IDH1: variants seen among roughly 807,000 people sequenced by gnomAD.
IDH1 encodes isocitrate dehydrogenase [NADP] cytoplasmic.
A neutral mutation model predicts 46.1 loss-of-function variants in IDH1; 33 were observed. The observed-to-expected ratio is 0.72, with a 90% CI of 0.54 to 0.96. IDH1 has a LOEUF of 0.96. Ranked by LOEUF, IDH1 falls within the 40% of genes least tolerant of loss-of-function variation. The probability of loss-of-function intolerance (pLI) is 0.00; values close to 1 mark genes in which losing one functional copy is unlikely to be tolerated. For synonymous variants in IDH1, 144 were observed against 172.8 expected, an observed-to-expected ratio of 0.83 and a Z score of 1.31; for missense variants, 421 against 515.7, an observed-to-expected ratio of 0.82 and a Z score of 1.78.
At chr2:208,237,762 T>TACAA (rs1687840127) in intron 9 of IDH1, among the ~76,000 whole-genome samples, 1 of 35,578 alleles carries the variant, frequency 2.8e-5, no homozygotes, top group East Asian at 6.5e-4. Flanking sequence ...CTACTAAAAA[T>TACAA]ACAAAAAAAA....
In IDH1 at chr2:208,253,342, G is replaced by C. The variant is rs75991859; in HGVS notation, c.-17+544C>G. ...ACCATCTTTTAACTAAAACAGTGAA[G>C]CTTTATTGTTACTACCATGTGGAAC... On this transcript the variant is annotated intron_variant, in intron 2 of 9. Coordinates refer to ENST00000345146, the MANE Select transcript of IDH1 (RefSeq NM_005896.4). Among the ~76,000 whole-genome samples, 1,177 of 152,290 alleles carry C rather than the reference G, an allele frequency of 7.7e-3. 6 individuals are homozygous for C. Among genetic ancestry groups the C allele is most frequent in the African/African-American group, 0.026 (1,086 of 41,552 alleles).
intron 2 of IDH1, among the ~76,000 whole-genome samples, chr2:208,252,449 C>T (rs780956793): frequency 3.9e-5 from 6 of 152,146 alleles, no homozygotes; most frequent in Admixed American, 2.6e-4. Context: ...CAATCTGATT[C>T]TCAGAAAGTG....
intron 7 of IDH1, chr2:208,240,436 T>C (rs952221335): frequency 6.4e-6 from 1 of 156,724 alleles, no homozygotes; most frequent in Admixed American, 6.2e-5. Context: ...CTTAGAATAG[T>C]ACTGGACACA....
intron 9 of IDH1, 150 bp from the exon 10 acceptor site, chr2:208,237,319 C>A: frequency 1.5e-6 from 1 of 667,878 alleles, no homozygotes; most frequent in Non-Finnish European, 2.7e-6. Flanking sequence ...AATCTATAGA[C>A]AATGACTATG....
intron 4 of IDH1, 94 bp downstream of exon 4, chr2:208,248,275 A>C: frequency 9.0e-7 from 1 of 1,111,034 alleles, no homozygotes. Context: ...GGGTGTAGAT[A>C]CCAAAAGATA....
Position 208,251,711 on chromosome 2 carries a change from A to T in IDH1, c.-16-144T>A, listed in dbSNP as rs113576528. 13 of 649,006 alleles carry T rather than the reference A, an allele frequency of 2.0e-5. 1 individual carries two copies. The African/African-American group carries it at 2.0e-4, about 10-fold the overall frequency. The allele number at this position is 649,006 out of a possible 1,614,324, so 40.2% of individuals were successfully genotyped here. On this transcript the variant is annotated intron_variant, in intron 2 of 9. Transcript: ENST00000345146. ...TCAATTTATGTGTAGTTGAATAAAA[A>T]GCTAGTAACAGCAATTCTATTTACC...
chr2:208,238,226 G>A (rs1687852899), intron 9 of IDH1, among the ~76,000 whole-genome samples: 1 of 151,916 alleles, frequency 6.6e-6, no homozygotes, highest in Non-Finnish European at 1.5e-5. Context: ...TAGTGGAGAT[G>A]GGGTTTCACT....
chr2:208,242,344 A>G (rs1687935490), intron 6 of IDH1, among the ~76,000 whole-genome samples, 199 bp from the exon 7 acceptor site: 1 of 152,206 alleles, frequency 6.6e-6, no homozygotes, highest in Non-Finnish European at 1.5e-5. Context: ...CAATTTGACT[A>G]TCTGTAGGAA....
rs10170549 is a variant in IDH1, at chr2:208,238,733, G to A, written c.1154+338C>T. Among the ~76,000 whole-genome samples the A allele has an allele frequency of 9.0e-3, 1,369 of 152,244 alleles. 25 individuals carry two copies. Among genetic ancestry groups the A allele is most frequent in the African/African-American group, 0.032 (1,320 of 41,532 alleles). ...CGTTCAATGATTATCAACTAGATGG[G>A]ATGTCAGCAAATTACAGCCCAGCAC... On this transcript the variant is annotated intron_variant, in intron 9 of 9. Transcript: ENST00000345146.
At chr2:208,241,511 C>G (rs554205606) in intron 7 of IDH1, among the ~76,000 whole-genome samples, 4 of 151,670 alleles carry the variant, frequency 2.6e-5, no homozygotes, top group Admixed American at 1.3e-4. Context: ...GGATTACAGG[C>G]GTGAGCCACT....
In IDH1 at chr2:208,245,425, C is replaced by T. The variant is rs1245069839; in HGVS notation, c.415-1G>A. On this transcript the variant is annotated splice_acceptor_variant, in intron 4 of 9. Coordinates refer to ENST00000345146, the MANE Select transcript of IDH1 (RefSeq NM_005896.4). LOFTEE classifies it high-confidence loss of function. ...GAACAACAAAATCAGTTGCTCTGTA[C>T]TGTGTAGAGGGGAAAAAGGTATAAA... is the stretch of plus-strand genomic sequence containing the variant. 12 of 1,561,022 alleles carry T rather than the reference C, an allele frequency of 7.7e-6. No homozygotes were observed. The highest frequency in any genetic ancestry group is 1.1e-5 in the South Asian group (1 of 90,032).
At chr2:208,253,820 A>G (rs528108746) in intron 2 of IDH1, 66 bp downstream of exon 2, 1 of 152,338 alleles carries the variant, frequency 6.6e-6, no homozygotes, top group African/African-American at 2.4e-5. Context: ...CCCCAAGACC[A>G]GTTAAACACT....
rs138762161 is a variant in IDH1 at position 208,240,807 on chromosome 2, T to A, written c.851-804A>T. 5.3e-5 allele frequency among the ~76,000 whole-genome samples: 8 copies of A among 152,322 alleles called. 1 individual carries two copies. The East Asian group carries it at 1.5e-3, about 29-fold the overall frequency. On this transcript the variant is annotated intron_variant, in intron 7 of 9. Transcript: ENST00000345146. ...GTCATCACAAAGCAATAACACTCCT[T>A]CCTCTGTTGCATTCAGTACAAATGA... is the stretch of plus-strand genomic sequence containing the variant.
Position 208,236,604 on chromosome 2 carries a change from T to A in IDH1, c.*475A>T. On this transcript the variant is annotated 3_prime_UTR_variant, in exon 10 of 10. Coordinates refer to ENST00000345146, the MANE Select transcript of IDH1 (RefSeq NM_005896.4). ...TTGCACTCCTACTTCGTTCCAGTCATGTGCAAGTTTAATGCACAGCTCTAC... is the reference window on the plus strand; with the variant it reads ...TTGCACTCCTACTTCGTTCCAGTCAAGTGCAAGTTTAATGCACAGCTCTAC... 1 of 243,540 alleles carries A rather than the reference T, an allele frequency of 4.1e-6. No individual in the cohort carries two copies. The highest frequency in any genetic ancestry group is 8.1e-6 in the Non-Finnish European group (1 of 124,016). The allele number at this position is 243,540 out of a possible 1,614,324, so 15.1% of individuals were successfully genotyped here. A position where few individuals can be genotyped will look rare whatever the true frequency, so the allele number is the denominator to read the frequency against.
chr2:208,239,799 G>T, intron 8 of IDH1, 64 bp downstream of exon 8: 1 of 1,527,316 alleles, frequency 6.5e-7, no homozygotes, highest in Non-Finnish European at 9.1e-7. Flanking sequence ...GCAGCCAAGG[G>T]AACACATCTG....
intron 9 of IDH1, among the ~76,000 whole-genome samples, chr2:208,237,617 G>A (rs1329045271): frequency 6.6e-6 from 1 of 152,054 alleles, no homozygotes; most frequent in Admixed American, 6.6e-5. Context: ...TTCTATCAGT[G>A]TCTTAAGAAA....
intron 9 of IDH1, among the ~76,000 whole-genome samples, 155 bp from the exon 10 acceptor site, chr2:208,237,324 A>G (rs988212055): frequency 3.3e-5 from 5 of 152,304 alleles, no homozygotes; most frequent in Admixed American, 3.3e-4. Context: ...ATAGACAATG[A>G]CTATGTTCAG....
chr2:208,246,744 A>G (rs1688030004), intron 4 of IDH1, among the ~76,000 whole-genome samples: 1 of 151,758 alleles, frequency 6.6e-6, no homozygotes, highest in African/African-American at 2.4e-5. Context: ...GGAGTTTGAG[A>G]CCAGCCTGAC....
chr2:208,253,584 TAAC>T (rs1456714639), intron 2 of IDH1, among the ~76,000 whole-genome samples: 2 of 152,192 alleles, frequency 1.3e-5, no homozygotes, highest in Non-Finnish European at 2.9e-5. Context: ...AAACCTGGAA[TAAC>T]AATACAGAGT....
Sources: allele counts gnomAD v4.1 joint callset (sites outside exome capture counted in the v4.1 genomes callset), GRCh38; gene constraint gnomAD v4.1.1; transcripts MANE v1.5; gene names NCBI Gene and HGNC (gene_info 2026-07-23, HGNC 2026-07-21).